Variants in HSD17B12 observed in about 807,000 individuals in gnomAD.
The protein encoded by HSD17B12 is hydroxysteroid 17-beta dehydrogenase 12.
HSD17B12 carries 32 observed loss-of-function variants against 39.3 expected under a neutral mutation model. The observed-to-expected ratio is 0.81, with a 90% CI of 0.61 to 1.09. HSD17B12 has a LOEUF of 1.09. Ranked by LOEUF, HSD17B12 falls within the 50% of genes least tolerant of loss-of-function variation. The probability of loss-of-function intolerance (pLI) is 0.00; values close to 1 mark genes in which losing one functional copy is unlikely to be tolerated. For synonymous variants in HSD17B12, 150 were observed against 146.7 expected (o/e 1.02, Z -0.16); for missense variants, 342 against 382.9 (o/e 0.89, Z 0.89).
At chr11:43,811,089 A>G (rs766508452) in intron 4 of HSD17B12, among the ~76,000 whole-genome samples, 1 of 152,092 alleles carries the variant, frequency 6.6e-6, no homozygotes, top group South Asian at 2.1e-4. Context: ...CTCCTACTCA[A>G]AGCCTGTTCT....
chr11:43,725,498 C>T (rs1490692009), intron 1 of HSD17B12, among the ~76,000 whole-genome samples: 1 of 152,154 alleles, frequency 6.6e-6, no homozygotes, highest in Non-Finnish European at 1.5e-5. Flanking sequence ...ACAGAATACA[C>T]AACTATGGTG....
At chr11:43,636,223 A>C in the HSD17B12 span, among the ~76,000 whole-genome samples, 5 of 152,338 alleles carry the variant, frequency 3.3e-5, no homozygotes, top group South Asian at 8.3e-4. Context: ...GTTGCACCGT[A>C]TTAAACTTAC....
At chr11:43,757,639 C>CAA (rs60598991) in intron 3 of HSD17B12, among the ~76,000 whole-genome samples, 861 of 7,058 alleles carry the variant, frequency 0.12, 331 homozygotes, top group Non-Finnish European at 0.21. Context: ...GACTCCGTCT[C>CAA]AAAAAAAAAA....
chr11:43,835,595 A>G (rs1470111787), intron 7 of HSD17B12, among the ~76,000 whole-genome samples: 1 of 151,986 alleles, frequency 6.6e-6, no homozygotes, highest in East Asian at 1.9e-4. Context: ...TAGAAGGGCT[A>G]TTTTCTCTAC....
At chr11:43,665,772 T>G in the HSD17B12 span, among the ~76,000 whole-genome samples, 5 of 152,010 alleles carry the variant, frequency 3.3e-5, no homozygotes, top group Non-Finnish European at 7.4e-5. Flanking sequence ...CACACGCGCA[T>G]GCACACACAC....
At chr11:43,801,626 A>AG (rs1950970131) in intron 4 of HSD17B12, among the ~76,000 whole-genome samples, 2 of 19,486 alleles carry the variant, frequency 1.0e-4, no homozygotes, top group Non-Finnish European at 3.1e-4. Context: ...ATATATATAT[A>AG]TATATGTATA....
In HSD17B12 at chr11:43,690,384, A is replaced by T. The variant is rs1565049635; in HGVS notation, c.160+9397A>T. 3.3e-3 allele frequency among the ~76,000 whole-genome samples: 37 copies of T among 11,138 alleles called. 2 individuals are homozygous for T. Among genetic ancestry groups the T allele is most frequent in the Middle Eastern group, 0.038 (1 of 26 alleles). 7.3% of individuals were successfully genotyped at this position (11,138 alleles called of 152,430 possible). On this transcript the variant is annotated intron_variant, in intron 1 of 10. Coordinates refer to ENST00000278353, the MANE Select transcript of HSD17B12 (RefSeq NM_016142.3). ...TACATATATATATATATATATATAT[A>T]TATATATATATATATATATATTTTT...
intron 1 of HSD17B12, among the ~76,000 whole-genome samples, chr11:43,692,080 T>C (rs114682271): frequency 0.011 from 1,692 of 152,350 alleles, 27 homozygotes; most frequent in African/African-American, 0.04. Context: ...TTTCACAGTT[T>C]ACCTTATTAG....
the HSD17B12 span, among the ~76,000 whole-genome samples, chr11:43,588,610 C>CCATTATTATTAT: frequency 2.1e-5 from 3 of 144,982 alleles, no homozygotes; most frequent in East Asian, 4.1e-4. Context: ...TTATTATTAG[C>CCATTATTATTAT]TATTATTATT....
At chr11:43,606,405 G>C in the HSD17B12 span, among the ~76,000 whole-genome samples, 2 of 152,116 alleles carry the variant, frequency 1.3e-5, no homozygotes, top group Non-Finnish European at 2.9e-5. Flanking sequence ...AAGTGGAGTC[G>C]GTGATTACTA....
At chr11:43,558,888 C>T in the HSD17B12 span, among the ~76,000 whole-genome samples, 2 of 151,892 alleles carry the variant, frequency 1.3e-5, no homozygotes, top group African/African-American at 4.8e-5. Flanking sequence ...ACCCCCCACC[C>T]CAAATAACCA....
the HSD17B12 span, among the ~76,000 whole-genome samples, chr11:43,632,615 T>C: frequency 2.9e-4 from 44 of 152,334 alleles, no homozygotes; most frequent in East Asian, 6.9e-3. Context: ...TTGATTTTTC[T>C]GGAAAGTTCT....
chr11:43,637,522 A>C, the HSD17B12 span, among the ~76,000 whole-genome samples: 3 of 151,968 alleles, frequency 2.0e-5, no homozygotes, highest in African/African-American at 7.2e-5. Flanking sequence ...TGCCTGGCTG[A>C]CACTATTGTT....
chr11:43,739,979 G>A (rs931840270), intron 1 of HSD17B12, among the ~76,000 whole-genome samples: 3 of 152,142 alleles, frequency 2.0e-5, no homozygotes, highest in Non-Finnish European at 2.9e-5. Context: ...TGGCTACAAT[G>A]TAGAGATTGA....
intron 1 of HSD17B12, chr11:43,734,191 C>T: frequency 6.4e-7 from 1 of 1,573,112 alleles, no homozygotes; most frequent in Non-Finnish European, 8.6e-7. Flanking sequence ...AGCTGGTCTC[C>T]AGGCAGGTGA....
chr11:43,800,954 CA>C (rs1360068850), intron 4 of HSD17B12, among the ~76,000 whole-genome samples: 1 of 152,118 alleles, frequency 6.6e-6, no homozygotes, highest in East Asian at 1.9e-4. Flanking sequence ...GCCTGGCTAA[CA>C]TGACGAAACC....
At chr11:43,586,818 T>A in the HSD17B12 span, among the ~76,000 whole-genome samples, 1 of 152,252 alleles carries the variant, frequency 6.6e-6, no homozygotes, top group African/African-American at 2.4e-5. Flanking sequence ...GTAGTCATGC[T>A]GTGCATGCTA....
At chr11:43,606,815 A>G in the HSD17B12 span, among the ~76,000 whole-genome samples, 51 of 152,354 alleles carry the variant, frequency 3.3e-4, no homozygotes, top group African/African-American at 1.2e-3. Context: ...AGGCCAAGCG[A>G]TAAATACTCA....
chr11:43,684,948 T>G (rs1232049243), intron 1 of HSD17B12, among the ~76,000 whole-genome samples: 1 of 152,218 alleles, frequency 6.6e-6, no homozygotes, highest in Non-Finnish European at 1.5e-5. Flanking sequence ...ATAAATGGAA[T>G]CATACAATAG....
Sources: gnomAD v4.1 joint callset for allele counts (sites outside exome capture counted in the v4.1 genomes callset) on GRCh38, gnomAD v4.1.1 for gene constraint, MANE v1.5 for transcripts, NCBI Gene and HGNC (gene_info 2026-07-23, HGNC 2026-07-21) for gene names.